Variants in SERPINB8 observed in about 807,000 individuals in gnomAD.
SERPINB8 encodes serpin family B member 8.
In SERPINB8, 25 loss-of-function variants were observed where a neutral mutation model predicts 35.3. That is an observed-to-expected ratio of 0.71 (90% confidence interval 0.52 to 0.99). The LOEUF is 0.99. SERPINB8 is among the 50% of genes least tolerant of loss of function. SERPINB8 has a pLI of 0.00. For synonymous variants in SERPINB8, 186 were observed against 160.8 expected (o/e 1.16, Z -1.19); for missense variants, 484 against 446.5 (o/e 1.08, Z -0.76).
chr18:63,997,233 T>G (rs1017040443), intron 1 of SERPINB8, among the ~76,000 whole-genome samples: 2 of 152,232 alleles, frequency 1.3e-5, no homozygotes, highest in Non-Finnish European at 2.9e-5. Flanking sequence ...AGTACGTGAC[T>G]CACGGCTGTG....
chr18:64,019,402 C>T (rs1182840582), exon 8 of SERPINB8: 2 of 152,288 alleles, frequency 1.3e-5, no homozygotes, highest in African/African-American at 4.8e-5. Context: ...CATCATTTCT[C>T]TCCTGGAAAA....
At chr18:64,015,927 A>G (rs2050947747) in intron 7 of SERPINB8, among the ~76,000 whole-genome samples, 1 of 152,194 alleles carries the variant, frequency 6.6e-6, no homozygotes, top group Non-Finnish European at 1.5e-5. Flanking sequence ...TAATAAAAAG[A>G]GTGACATTCA....
At chr18:63,975,443 CT>C (rs1463200881) in intron 1 of SERPINB8, among the ~76,000 whole-genome samples, 1 of 152,128 alleles carries the variant, frequency 6.6e-6, no homozygotes, top group Non-Finnish European at 1.5e-5. Context: ...CTGGAGAGGT[CT>C]TATGATGTGA....
chr18:63,973,296 G>A (rs1476038016), intron 1 of SERPINB8, among the ~76,000 whole-genome samples: 2 of 152,220 alleles, frequency 1.3e-5, no homozygotes, highest in Non-Finnish European at 2.9e-5. Context: ...CTTCCTTTGA[G>A]AAGTGTCTGT....
At chr18:63,999,253 C>T (rs1281055892) in intron 1 of SERPINB8, among the ~76,000 whole-genome samples, 1 of 152,174 alleles carries the variant, frequency 6.6e-6, no homozygotes, top group African/African-American at 2.4e-5. Context: ...GCCACTCACT[C>T]CTTGACCCCA....
intron 3 of SERPINB8, among the ~76,000 whole-genome samples, 190 bp downstream of exon 3, chr18:63,980,128 G>A (rs2050647925): frequency 6.6e-6 from 1 of 152,076 alleles, no homozygotes; most frequent in South Asian, 2.1e-4. Flanking sequence ...ACCCATCCCT[G>A]TTATCAATCC....
chr18:64,009,664 G>A (rs559597750), downstream of SERPINB8, among the ~76,000 whole-genome samples: 4 of 152,342 alleles, frequency 2.6e-5, no homozygotes, highest in Admixed American at 2.6e-4. Flanking sequence ...CCAAAGAATT[G>A]CTGACAACCC....
chr18:63,986,607 A>G (rs2050758657), intron 6 of SERPINB8: 2 of 1,313,018 alleles, frequency 1.5e-6, no homozygotes, highest in Admixed American at 7.4e-5. Context: ...AACATTTGAA[A>G]GGAGTTAGGT....
Position 63,978,456 on chromosome 18 carries a change from A to C in SERPINB8, c.148A>C (p.Thr50Pro), listed in dbSNP as rs143894667. 13 of 1,614,098 alleles carry C rather than the reference A, an allele frequency of 8.1e-6. No individual in the cohort carries two copies. The African/African-American group carries it at 1.6e-4, about 20-fold the overall frequency. Residue 50 changes from threonine to proline, a missense_variant, in exon 2 of 7, where the codon ACT (threonine) becomes CCT (proline). Coordinates refer to ENST00000397985, the MANE Select transcript of SERPINB8 (RefSeq NM_002640.4). ...AMVFMGAKGS[T>P]AAQMSQALCL... is the part of the protein sequence containing the mutation. The stretch of plus-strand genomic sequence containing the variant: ...GGTCTTCATGGGGGCAAAGGGAAGC[A>C]CTGCAGCCCAGATGTCCCAGGTATG...
chr18:63,975,426 A>G (rs1168028216), intron 1 of SERPINB8, among the ~76,000 whole-genome samples: 1 of 152,214 alleles, frequency 6.6e-6, no homozygotes, highest in Non-Finnish European at 1.5e-5. Flanking sequence ...AGACCCTAGT[A>G]TAAGCTCTGG....
intron 7 of SERPINB8, among the ~76,000 whole-genome samples, chr18:64,013,106 A>C (rs1157224082): frequency 6.6e-6 from 1 of 152,010 alleles, no homozygotes; most frequent in Non-Finnish European, 1.5e-5. Context: ...TTCTTTAGGG[A>C]GTAATTCTGG....
At chr18:63,990,485 T>G (rs1457568156), downstream of SERPINB8, among the ~76,000 whole-genome samples, 1 of 151,996 alleles carries the variant, frequency 6.6e-6, no homozygotes, top group East Asian at 1.9e-4. Context: ...TCAATTTTCA[T>G]TTCTTTTTTT....
intron 6 of SERPINB8, 116 bp downstream of exon 6, chr18:63,985,361 C>G (rs977684273): frequency 1.9e-6 from 2 of 1,077,142 alleles, no homozygotes; most frequent in Non-Finnish European, 1.3e-6. Context: ...ACAGGCAGTG[C>G]TGGGTGAACA....
chr18:64,008,825 A>G (rs1035005588), downstream of SERPINB8, among the ~76,000 whole-genome samples: 1 of 152,156 alleles, frequency 6.6e-6, no homozygotes, highest in African/African-American at 2.4e-5. Context: ...CTGGGGTTCA[A>G]ACTCCAGTCT....
intron 6 of SERPINB8, among the ~76,000 whole-genome samples, 175 bp downstream of exon 6, chr18:63,985,420 A>T (rs1270318481): frequency 6.6e-6 from 1 of 152,216 alleles, no homozygotes; most frequent in Non-Finnish European, 1.5e-5. Flanking sequence ...TGTTGAGTGT[A>T]TACATATATG....
chr18:63,971,169 C>T (rs1020941670), intron 1 of SERPINB8, among the ~76,000 whole-genome samples: 1 of 152,192 alleles, frequency 6.6e-6, no homozygotes, highest in Non-Finnish European at 1.5e-5. Context: ...TTCGCGCGCG[C>T]GCTCTCCCCT....
rs1421262490 is a variant in SERPINB8, at chr18:63,987,404, T to C, written c.*126T>C. 1.0e-6 allele frequency: 1 copy of C among 992,284 alleles called. No individual in the cohort carries two copies. Among genetic ancestry groups the C allele is most frequent in the Non-Finnish European group, 1.5e-6 (1 of 675,576 alleles). 61.5% of individuals were successfully genotyped at this position (992,284 alleles called of 1,614,324 possible). A position where few individuals can be genotyped will look rare whatever the true frequency, so the allele number is the denominator to read the frequency against. ...TAAAGCGTGTGCACTGGATAGTGTG[T>C]GAAAGTCTTTGCTGAAAGTTCCAGA... On this transcript the variant is annotated 3_prime_UTR_variant, in exon 7 of 7. Transcript: ENST00000397985.
intron 1 of SERPINB8, among the ~76,000 whole-genome samples, chr18:63,995,311 G>A (rs187223203): frequency 2.0e-5 from 3 of 152,296 alleles, no homozygotes; most frequent in African/African-American, 7.2e-5. Flanking sequence ...AGAAGCCCTA[G>A]CCAATGTCAG....
chr18:64,010,365 C>A (rs1048524452), downstream of SERPINB8, among the ~76,000 whole-genome samples: 3 of 152,116 alleles, frequency 2.0e-5, no homozygotes, highest in African/African-American at 7.2e-5. Flanking sequence ...CTTAGTAAAG[C>A]TAAGATATTC....
Sources: allele counts gnomAD v4.1 joint callset (sites outside exome capture counted in the v4.1 genomes callset), GRCh38; gene constraint gnomAD v4.1.1; transcripts MANE v1.5; gene names NCBI Gene and HGNC (gene_info 2026-07-23, HGNC 2026-07-21).